The following DSCAML1 variants were observed in gnomAD, a reference collection of about 807,000 sequenced individuals.
DSCAML1 encodes the protein cell adhesion molecule DSCAML1.
In DSCAML1, 38 loss-of-function variants were observed where a neutral mutation model predicts 200.5. That is an observed-to-expected ratio of 0.19 (90% CI 0.15 to 0.25). DSCAML1 has a LOEUF of 0.25. Among genes scored for constraint, DSCAML1 ranks in the 10% least tolerant of loss-of-function variants. The probability of loss-of-function intolerance (pLI) is 1.00; values close to 1 mark genes in which losing one functional copy is unlikely to be tolerated. For synonymous variants in DSCAML1, 1,215 were observed against 1,165.0 expected, an observed-to-expected ratio of 1.04 and a Z score of -0.87; for missense variants, 2,223 against 2,858.8, an observed-to-expected ratio of 0.78 and a Z score of 5.07.
chr11:117,693,702 TCA>T (rs2053537343), intron 3 of DSCAML1, among the ~76,000 whole-genome samples: 1 of 152,192 alleles, frequency 6.6e-6, no homozygotes, highest in Non-Finnish European at 1.5e-5. Flanking sequence ...TTTTGGGGTC[TCA>T]GTTTCTTACC....
chr11:117,478,637 C>T (rs1056015765), intron 14 of DSCAML1, among the ~76,000 whole-genome samples: 5 of 152,216 alleles, frequency 3.3e-5, no homozygotes, highest in African/African-American at 1.2e-4. Flanking sequence ...TCAGCCCGGA[C>T]GCCTCCCTCC....
chr11:117,572,853 A>G (rs1294179079), intron 3 of DSCAML1, among the ~76,000 whole-genome samples: 3 of 152,250 alleles, frequency 2.0e-5, no homozygotes, highest in African/African-American at 7.2e-5. Flanking sequence ...GAGACCTCAC[A>G]AGGCCAGAGA....
rs776864884 is a variant in DSCAML1, at chr11:117,465,012, C to A, written c.3195G>T (p.Val1065=). The change falls in exon 17 of 33, where the codon GTG becomes GTT. Residue 1065 remains valine (V), a synonymous_variant. Coordinates refer to ENST00000651296, the MANE Select transcript of DSCAML1 (RefSeq NM_020693.4). ...NLKKFAQYGV[V]VQAFNRAGTG... is the part of the protein sequence containing the mutation. Reference sequence around the variant, plus strand: ...TGCCAGCCCGATTGAAGGCTTGGACCACCACCCCATACTGGGCGAACTTCT... The same window carrying A: ...TGCCAGCCCGATTGAAGGCTTGGACAACCACCCCATACTGGGCGAACTTCT... 3.7e-6 allele frequency: 6 copies of A among 1,614,082 alleles called. No individual in the cohort carries two copies. The highest frequency in any genetic ancestry group is 4.2e-6 in the Non-Finnish European group (5 of 1,179,968).
intron 3 of DSCAML1, among the ~76,000 whole-genome samples, chr11:117,672,302 G>A (rs1337068946): frequency 6.6e-6 from 1 of 152,014 alleles, no homozygotes. Flanking sequence ...AGTCCCTGTT[G>A]TATAATTTGG....
chr11:117,468,306 TAAAAA>T (rs35703349), intron 16 of DSCAML1, among the ~76,000 whole-genome samples: 5 of 149,368 alleles, frequency 3.3e-5, no homozygotes, highest in Admixed American at 2.0e-4. Context: ...TTCTCAATGT[TAAAAA>T]AAAAAATCCC....
intron 3 of DSCAML1, among the ~76,000 whole-genome samples, chr11:117,663,973 C>T (rs2052920379): frequency 6.6e-6 from 1 of 152,208 alleles, no homozygotes; most frequent in African/African-American, 2.4e-5. Flanking sequence ...GCAAGGCCGG[C>T]TGCAAGGCTG....
intron 3 of DSCAML1, among the ~76,000 whole-genome samples, chr11:117,641,824 G>A (rs193218968): frequency 2.0e-5 from 3 of 152,204 alleles, no homozygotes; most frequent in African/African-American, 4.8e-5. Context: ...GAGGAAACAC[G>A]CATCTATGGT....
intron 3 of DSCAML1, among the ~76,000 whole-genome samples, chr11:117,569,754 C>T (rs2137433896): frequency 6.6e-6 from 1 of 152,344 alleles, no homozygotes; most frequent in East Asian, 1.9e-4. Flanking sequence ...GTCTGACCAA[C>T]AGATGCAGTT....
At chr11:117,602,969 A>G (rs1591312180) in intron 3 of DSCAML1, among the ~76,000 whole-genome samples, 1 of 152,068 alleles carries the variant, frequency 6.6e-6, no homozygotes. Context: ...GGTGGCGTGA[A>G]CCTGTAATCC....
upstream of DSCAML1, among the ~76,000 whole-genome samples, chr11:117,800,611 A>G (rs189353931): frequency 1.5e-4 from 23 of 152,348 alleles, no homozygotes; most frequent in East Asian, 3.9e-3. Context: ...TAGTAGGGAC[A>G]CACTACCCAT....
At chr11:117,634,078 C>T (rs1306566740) in intron 3 of DSCAML1, among the ~76,000 whole-genome samples, 1 of 152,204 alleles carries the variant, frequency 6.6e-6, no homozygotes, top group African/African-American at 2.4e-5. Flanking sequence ...GAGGAAATCA[C>T]AGTCTAGCAG....
At chr11:117,495,304 TGGCTCA>T (rs2049269615) in intron 11 of DSCAML1, among the ~76,000 whole-genome samples, 1 of 152,182 alleles carries the variant, frequency 6.6e-6, no homozygotes, top group Non-Finnish European at 1.5e-5. Flanking sequence ...CCCCAGCACC[TGGCTCA>T]AGCTCTTTGC....
intron 3 of DSCAML1, among the ~76,000 whole-genome samples, chr11:117,610,579 G>A (rs2051668967): frequency 1.3e-5 from 2 of 151,924 alleles, no homozygotes; most frequent in Admixed American, 1.3e-4. Flanking sequence ...GGAGGTATGG[G>A]ATCTTCAGCA....
chr11:117,601,279 C>G (rs1447267131), intron 3 of DSCAML1, among the ~76,000 whole-genome samples: 1 of 152,038 alleles, frequency 6.6e-6, no homozygotes, highest in Non-Finnish European at 1.5e-5. Context: ...GACCCAGAGG[C>G]AACTCCTCAA....
intron 20 of DSCAML1, among the ~76,000 whole-genome samples, chr11:117,446,935 A>G (rs1340989893): frequency 6.6e-5 from 10 of 152,240 alleles, no homozygotes; most frequent in Non-Finnish European, 1.5e-4. Flanking sequence ...TCAAAGACAC[A>G]TTAAATACAG....
intron 3 of DSCAML1, among the ~76,000 whole-genome samples, chr11:117,676,713 G>T (rs1392469007): frequency 6.6e-6 from 1 of 152,232 alleles, no homozygotes; most frequent in Non-Finnish European, 1.5e-5. Flanking sequence ...AAGCAGTGTG[G>T]GTGGGAGCTT....
intron 16 of DSCAML1, among the ~76,000 whole-genome samples, chr11:117,468,646 C>A (rs910642897): frequency 1.3e-5 from 2 of 152,166 alleles, no homozygotes; most frequent in Non-Finnish European, 2.9e-5. Flanking sequence ...TGGAGAGGAA[C>A]CCTGGCTCCA....
At chr11:117,433,618 A>G (rs1229442868) in intron 27 of DSCAML1, 147 bp from the exon 28 acceptor site, 3 of 792,874 alleles carry the variant, frequency 3.8e-6, no homozygotes, top group Non-Finnish European at 5.8e-6. Context: ...AAATGTAAGG[A>G]CCTACAAAAC....
chr11:117,465,196 G>A lies in DSCAML1; in HGVS notation c.3025-14C>T. Reference sequence around the variant, plus strand: ...CTTCTTGGGTGCCTGTGAGCATGGGGTGGGGGTGGGCACAAAGAAATGGCA... The same window carrying A: ...CTTCTTGGGTGCCTGTGAGCATGGGATGGGGGTGGGCACAAAGAAATGGCA... On this transcript the variant is annotated splice_polypyrimidine_tract_variant and intron_variant, in intron 16 of 32. Transcript: ENST00000651296. The A allele has an allele frequency of 1.2e-6, 2 of 1,610,762 alleles. No homozygotes were observed. Among genetic ancestry groups the A allele is most frequent in the Non-Finnish European group, 1.7e-6 (2 of 1,177,510 alleles).
Sources: gnomAD v4.1 joint callset for allele counts (sites outside exome capture counted in the v4.1 genomes callset) on GRCh38, gnomAD v4.1.1 for gene constraint, MANE v1.5 for transcripts, NCBI Gene and HGNC (gene_info 2026-07-23, HGNC 2026-07-21) for gene names.